AFF2: variants seen among roughly 807,000 people sequenced by gnomAD.
AFF2 encodes the protein AF4/FMR2 family member 2.
A neutral mutation model predicts 76.9 loss-of-function variants in AFF2; 14 were observed. That is an observed-to-expected ratio of 0.18 (90% CI 0.12 to 0.28). The LOEUF (loss-of-function observed/expected upper bound fraction) is 0.28, where lower values mean the gene tolerates loss of function less well. Ranked by LOEUF, AFF2 falls within the 10% of genes least tolerant of loss-of-function variation. The pLI, the probability that AFF2 is intolerant of heterozygous loss-of-function variation, is 1.00. For synonymous variants in AFF2, 398 were observed against 366.7 expected (o/e 1.09, Z -0.98); for missense variants, 868 against 1,001.1 (o/e 0.87, Z 1.79).
chrX:148,630,998 C>T (rs1195736893), intron 1 of AFF2, among the ~76,000 whole-genome samples: 3 of 112,414 alleles, frequency 2.7e-5, no homozygotes, highest in Non-Finnish European at 5.6e-5. Context: ...GTGATTCTCA[C>T]TGCTTCCAAG....
intron 5 of AFF2, 139 bp downstream of exon 5, chrX:148,837,872 T>C: frequency 2.3e-6 from 1 of 428,780 alleles, no homozygotes; most frequent in South Asian, 3.9e-5. Context: ...AGAATAGCAA[T>C]ATAAAAATAA....
At chrX:148,731,281 C>A (rs1410312590) in intron 3 of AFF2, among the ~76,000 whole-genome samples, 2 of 111,613 alleles carry the variant, frequency 1.8e-5, no homozygotes, top group Non-Finnish European at 3.8e-5. Context: ...GAAGTGGCAA[C>A]GTTTGATTTA....
intron 3 of AFF2, among the ~76,000 whole-genome samples, chrX:148,790,734 A>G (rs1353548191): frequency 2.7e-5 from 3 of 111,596 alleles, no homozygotes; most frequent in Non-Finnish European, 5.6e-5. Context: ...TAGCTAATGC[A>G]TGCTGAGTTT....
chrX:148,637,282 A>G (rs1169627266), intron 1 of AFF2, among the ~76,000 whole-genome samples: 1 of 112,407 alleles, frequency 8.9e-6, no homozygotes, highest in Non-Finnish European at 1.9e-5. Context: ...TACAATGGTC[A>G]TGAAAATCAA....
chrX:148,612,319 C>T (rs935826606), intron 1 of AFF2, among the ~76,000 whole-genome samples: 1 of 111,882 alleles, frequency 8.9e-6, no homozygotes, highest in African/African-American at 3.2e-5. Context: ...ATTAACAAAG[C>T]CCTCTCTTCT....
intron 1 of AFF2, among the ~76,000 whole-genome samples, chrX:148,535,875 C>T (rs1437551454): frequency 8.9e-6 from 1 of 111,792 alleles, no homozygotes; most frequent in Non-Finnish European, 1.9e-5. Flanking sequence ...GATGTGCAGC[C>T]AGGGTGCTGA....
intron 9 of AFF2, among the ~76,000 whole-genome samples, chrX:148,941,483 G>A (rs1490147188): frequency 8.9e-6 from 1 of 111,736 alleles, no homozygotes; most frequent in Non-Finnish European, 1.9e-5. Flanking sequence ...TTGGAATAAT[G>A]GAGTCATCAT....
chrX:148,513,860 G>T (rs1557233450), intron 1 of AFF2, among the ~76,000 whole-genome samples: 1 of 110,500 alleles, frequency 9.0e-6, no homozygotes, highest in Non-Finnish European at 1.9e-5. Context: ...GTTTTCTTAG[G>T]CAGGGCCTGC....
chrX:148,624,820 A>C (rs1473929092), intron 1 of AFF2, among the ~76,000 whole-genome samples: 6 of 111,969 alleles, frequency 5.4e-5, no homozygotes, highest in Admixed American at 9.5e-5. Flanking sequence ...CTTGCACATC[A>C]TCTGCATCCT....
chrX:148,874,338 T>C (rs1445229594), intron 7 of AFF2, among the ~76,000 whole-genome samples: 1 of 111,714 alleles, frequency 9.0e-6, no homozygotes, highest in Non-Finnish European at 1.9e-5. Flanking sequence ...CAGTGGCATT[T>C]ATCAAGTGCT....
chrX:148,956,732 G>A, intron 11 of AFF2, 119 bp downstream of exon 11: 1 of 645,028 alleles, frequency 1.6e-6, no homozygotes, highest in South Asian at 3.1e-5. Flanking sequence ...TTTTGGCAAA[G>A]GTGATGATGC....
chrX:148,625,357 C>T (rs1486715717), intron 1 of AFF2, among the ~76,000 whole-genome samples: 1 of 111,459 alleles, frequency 9.0e-6, no homozygotes, highest in South Asian at 3.8e-4. Context: ...TACCTTGTCA[C>T]TGACAGATTT....
intron 1 of AFF2, among the ~76,000 whole-genome samples, chrX:148,554,051 C>T (rs1557239337): frequency 2.7e-5 from 3 of 112,002 alleles, no homozygotes; most frequent in Non-Finnish European, 3.8e-5. Flanking sequence ...AGATGGCCAG[C>T]TCTACTATTT....
chrX:148,931,646 G>A (rs1290710482), intron 9 of AFF2, among the ~76,000 whole-genome samples: 1 of 112,241 alleles, frequency 8.9e-6, no homozygotes, highest in Non-Finnish European at 1.9e-5. Flanking sequence ...CTGTTAATAA[G>A]GTGAAGGCTG....
chrX:148,543,972 G>A (rs1161786999), intron 1 of AFF2, among the ~76,000 whole-genome samples: 1 of 112,061 alleles, frequency 8.9e-6, no homozygotes, highest in Non-Finnish European at 1.9e-5. Context: ...AGCCTCAACA[G>A]CTAATTACCT....
At chrX:148,956,852 G>A (rs1427609285) in intron 11 of AFF2, among the ~76,000 whole-genome samples, 5 of 113,061 alleles carry the variant, frequency 4.4e-5, no homozygotes, top group African/African-American at 1.3e-4. Flanking sequence ...ATGATGTGTA[G>A]GAAAGAAAAA....
intron 4 of AFF2, among the ~76,000 whole-genome samples, chrX:148,833,981 G>A (rs921507554): frequency 4.5e-5 from 5 of 112,058 alleles, no homozygotes; most frequent in African/African-American, 9.7e-5. Flanking sequence ...CCCAGCTTTC[G>A]TGTCTAAATT....
At chrX:148,738,081 T>A (rs1313866714) in intron 3 of AFF2, among the ~76,000 whole-genome samples, 1 of 111,283 alleles carries the variant, frequency 9.0e-6, no homozygotes, top group Non-Finnish European at 1.9e-5. Flanking sequence ...GTAGTTTTCT[T>A]TTTGGTTATG....
chrX:148,810,923 C>T (rs1441615497), intron 4 of AFF2, among the ~76,000 whole-genome samples: 2 of 111,454 alleles, frequency 1.8e-5, no homozygotes, highest in Non-Finnish European at 3.8e-5. Context: ...TTCTCAGCAG[C>T]CCAGTGTTTG....
Sources: gnomAD v4.1 joint callset for allele counts (sites outside exome capture counted in the v4.1 genomes callset) on GRCh38, gnomAD v4.1.1 for gene constraint, MANE v1.5 for transcripts, NCBI Gene and HGNC (gene_info 2026-07-23, HGNC 2026-07-21) for gene names.